Variants in FMN1 observed in about 807,000 individuals in gnomAD.
FMN1 encodes formin-1.
In FMN1, 110 loss-of-function variants were observed where a neutral mutation model predicts 132.4. The ratio of observed to expected loss-of-function variants is 0.83; its 90% CI spans 0.71 to 0.97. The LOEUF (loss-of-function observed/expected upper bound fraction) is 0.97, where lower values mean the gene tolerates loss of function less well. Among genes scored for constraint, FMN1 ranks in the 50% least tolerant of loss-of-function variants. FMN1 has a pLI of 0.00. For synonymous variants in FMN1, 722 were observed against 651.7 expected, an observed-to-expected ratio of 1.11 and a Z score of -1.64; for missense variants, 1,792 against 1,705.3, an observed-to-expected ratio of 1.05 and a Z score of -0.90.
At chr15:33,018,361 T>A (rs1340797696) in intron 6 of FMN1, among the ~76,000 whole-genome samples, 1 of 151,926 alleles carries the variant, frequency 6.6e-6, no homozygotes, top group African/African-American at 2.4e-5. Context: ...GACCAAGACA[T>A]GATTAGAGGG....
chr15:32,778,714 T>C (rs1412090904), intron 19 of FMN1, among the ~76,000 whole-genome samples: 1 of 152,138 alleles, frequency 6.6e-6, no homozygotes, highest in Non-Finnish European at 1.5e-5. Flanking sequence ...GATGTGATTG[T>C]AGAATTACAC....
At chr15:32,958,237 G>A (rs369860793) in intron 9 of FMN1, among the ~76,000 whole-genome samples, 48 of 152,190 alleles carry the variant, frequency 3.2e-4, no homozygotes, top group Admixed American at 2.9e-3. Context: ...ATATTTTGTT[G>A]ATGTTTTTAA....
Position 32,778,727 on chromosome 15 carries a change from T to C in FMN1, c.4131-1808A>G, listed in dbSNP as rs373229975. On this transcript the variant is annotated intron_variant, in intron 19 of 20. Transcript: ENST00000616417. ...TTGATGTGATTGTAGAATTACACAG[T>C]TGCTTTGGAAAACAGTTTGGCCGTT... Among the ~76,000 whole-genome samples, 59 of 152,302 alleles carry C rather than the reference T, an allele frequency of 3.9e-4. 1 individual carries two copies. The East Asian group carries it at 8.9e-3, about 23-fold the overall frequency.
At chr15:33,040,257 T>C (rs928626163) in intron 6 of FMN1, among the ~76,000 whole-genome samples, 1 of 152,254 alleles carries the variant, frequency 6.6e-6, no homozygotes, top group African/African-American at 2.4e-5. Context: ...TAATTACTTA[T>C]GTAGGACTGA....
At chr15:32,980,057 C>G (rs189789813) in intron 7 of FMN1, among the ~76,000 whole-genome samples, 43 of 149,458 alleles carry the variant, frequency 2.9e-4, no homozygotes, top group African/African-American at 1.0e-3. Flanking sequence ...ACAGGGCAAA[C>G]AAACAAAGAG....
intron 9 of FMN1, among the ~76,000 whole-genome samples, chr15:32,957,981 T>A (rs1215302630): frequency 6.6e-6 from 1 of 152,140 alleles, no homozygotes; most frequent in Non-Finnish European, 1.5e-5. Context: ...ATGGCACCTA[T>A]CTAAGTATGC....
At chr15:33,016,043 G>A (rs1443533024) in intron 6 of FMN1, among the ~76,000 whole-genome samples, 6 of 152,148 alleles carry the variant, frequency 3.9e-5, no homozygotes, top group Non-Finnish European at 7.3e-5. Flanking sequence ...CCTACCAAGT[G>A]ATTATAATGC....
chr15:33,168,836 G>C (rs1178077699), intron 3 of FMN1, among the ~76,000 whole-genome samples: 1 of 152,158 alleles, frequency 6.6e-6, no homozygotes, highest in Non-Finnish European at 1.5e-5. Context: ...AATAATTAAA[G>C]TCTCAGTCAC....
chr15:32,949,253 G>A lies in FMN1; in HGVS notation c.3138+14854C>T, dbSNP rs184027171. On this transcript the variant is annotated intron_variant, in intron 9 of 20. Transcript: ENST00000616417. ...TAGCCAAGGCAACCCTAAGCAAAAA[G>A]AACAAAGCTGGAGGCATCACACTAC... 4.0e-3 allele frequency among the ~76,000 whole-genome samples: 611 copies of A among 152,146 alleles called. 15 individuals are homozygous for A. Among genetic ancestry groups the A allele is most frequent in the Non-Finnish European group, 9.0e-4 (61 of 67,960 alleles).
chr15:33,065,556 A>G (rs1455958988), intron 5 of FMN1, among the ~76,000 whole-genome samples: 1 of 152,228 alleles, frequency 6.6e-6, no homozygotes, highest in Non-Finnish European at 1.5e-5. Context: ...CCTATAAACG[A>G]ATGAATGAGA....
rs991950894 is a variant in FMN1, at chr15:32,772,475, T to C, written c.*1835A>G. The C allele has an allele frequency of 3.3e-5, 5 of 152,254 alleles. No individual in the cohort carries two copies. Among genetic ancestry groups the C allele is most frequent in the African/African-American group, 9.6e-5 (4 of 41,464 alleles). 9.4% of individuals were successfully genotyped at this position (152,254 alleles called of 1,614,324 possible). On this transcript the variant is annotated 3_prime_UTR_variant, in exon 21 of 21. Coordinates refer to ENST00000616417, the MANE Select transcript of FMN1 (RefSeq NM_001277313.2). Reference sequence around the variant, plus strand: ...AATCAGTTTTTAATTGATCCGTTCTTTTGGTTGTCTTCAGAGTTAAGTGAA... The same window carrying C: ...AATCAGTTTTTAATTGATCCGTTCTCTTGGTTGTCTTCAGAGTTAAGTGAA...
chr15:32,884,850 A>T (rs79220256), intron 16 of FMN1, among the ~76,000 whole-genome samples: 319 of 152,344 alleles, frequency 2.1e-3, no homozygotes, highest in African/African-American at 7.3e-3. Flanking sequence ...AGCAAGCACA[A>T]GTGCTCTGTG....
At chr15:32,938,972 C>T (rs1464562043) in intron 9 of FMN1, among the ~76,000 whole-genome samples, 1 of 152,068 alleles carries the variant, frequency 6.6e-6, no homozygotes, top group Non-Finnish European at 1.5e-5. Context: ...TACAAAGAGC[C>T]TGCTGTACAT....
At chr15:32,998,408 G>A (rs1319445451) in intron 7 of FMN1, among the ~76,000 whole-genome samples, 1 of 152,162 alleles carries the variant, frequency 6.6e-6, no homozygotes, top group African/African-American at 2.4e-5. Context: ...AGATGCAGGG[G>A]CCCACTCTTT....
At position 32,770,562 on chromosome 15, in the gene FMN1, C is replaced by T. The variant is rs2056199179; in HGVS notation, c.*3748G>A. On this transcript the variant is annotated 3_prime_UTR_variant, in exon 21 of 21. Coordinates refer to ENST00000616417, the MANE Select transcript of FMN1 (RefSeq NM_001277313.2). The stretch of plus-strand genomic sequence containing the variant: ...ATACCACCAACATATTTTATTCCTT[C>T]CTTCAGTTTTTCCAGTTTCTTTACC... 1 of 152,196 alleles carries T rather than the reference C, an allele frequency of 6.6e-6. No homozygotes were observed. The highest frequency in any genetic ancestry group is 2.4e-5 in the African/African-American group (1 of 41,450). 9.4% of individuals were successfully genotyped at this position (152,196 alleles called of 1,614,324 possible). A position where few individuals can be genotyped will look rare whatever the true frequency, so the allele number is the denominator to read the frequency against.
chr15:33,072,071 AAAAC>A (rs201378423), intron 5 of FMN1, among the ~76,000 whole-genome samples: 43 of 152,260 alleles, frequency 2.8e-4, no homozygotes, highest in East Asian at 3.9e-4. Context: ...GATCTTCACC[AAAAC>A]AAACAAACAA....
intron 16 of FMN1, among the ~76,000 whole-genome samples, chr15:32,877,161 C>A (rs1286647716): frequency 1.3e-5 from 2 of 152,098 alleles, no homozygotes; most frequent in African/African-American, 4.8e-5. Flanking sequence ...CTGGCGGGTG[C>A]CTGTAGTCCC....
chr15:33,105,586 T>TC (rs1222359375), intron 4 of FMN1, among the ~76,000 whole-genome samples: 3 of 152,166 alleles, frequency 2.0e-5, no homozygotes, highest in Non-Finnish European at 4.4e-5. Flanking sequence ...GTTTACAGAC[T>TC]ATATGGCTTT....
At chr15:32,970,100 T>C (rs1382298031) in intron 7 of FMN1, among the ~76,000 whole-genome samples, 1 of 152,230 alleles carries the variant, frequency 6.6e-6, no homozygotes, top group Non-Finnish European at 1.5e-5. Context: ...ATAATGAAGA[T>C]ATTATAGTAT....
Sources: gnomAD v4.1 joint callset for allele counts (sites outside exome capture counted in the v4.1 genomes callset) on GRCh38, gnomAD v4.1.1 for gene constraint, MANE v1.5 for transcripts, NCBI Gene and HGNC (gene_info 2026-07-23, HGNC 2026-07-21) for gene names.